FBXL20: variants seen among roughly 807,000 people sequenced by gnomAD.
FBXL20 encodes F-box/LRR-repeat protein 20.
In FBXL20, 11 loss-of-function variants were observed where a neutral mutation model predicts 64.0. The observed-to-expected ratio is 0.17, with a 90% CI of 0.11 to 0.28. The LOEUF (loss-of-function observed/expected upper bound fraction) is 0.28, where lower values mean the gene tolerates loss of function less well. Among genes scored for constraint, FBXL20 ranks in the 10% least tolerant of loss-of-function variants. FBXL20 has a pLI of 1.00. For synonymous variants in FBXL20, 184 were observed against 189.0 expected, an observed-to-expected ratio of 0.97 and a Z score of 0.22; for missense variants, 303 against 526.2, an observed-to-expected ratio of 0.58 and a Z score of 4.15.
chr17:39,310,514 G>C (rs191361272), intron 2 of FBXL20, among the ~76,000 whole-genome samples: 14 of 152,070 alleles, frequency 9.2e-5, no homozygotes, highest in Non-Finnish European at 1.6e-4. Flanking sequence ...TCCTGTCTAC[G>C]TGTTAGTCGA....
chr17:39,293,871 TTCAGCTACTTTAGCC>T lies in FBXL20; in HGVS notation c.398+3241_398+3255del, dbSNP rs377436565. Among the ~76,000 whole-genome samples the T allele has an allele frequency of 8.0e-4, 121 of 152,076 alleles. 1 individual carries two copies. The highest frequency in any genetic ancestry group is 2.8e-3 in the African/African-American group (118 of 41,480). ...AGCTTCCTCTTTATCAGCCACAAATTTCAGCTACTTTAGCCTCCTTGAATTCTGATCTCTTTCTTT... is the reference window on the plus strand; with the variant it reads ...AGCTTCCTCTTTATCAGCCACAAATTTCCTTGAATTCTGATCTCTTTCTTT... On this transcript the variant is annotated intron_variant, in intron 6 of 14. Transcript: ENST00000264658.
intron 1 of FBXL20, among the ~76,000 whole-genome samples, chr17:39,390,021 T>C (rs537085996): frequency 6.4e-4 from 97 of 152,284 alleles, no homozygotes; most frequent in Non-Finnish European, 1.2e-3. Flanking sequence ...CACTTATTCA[T>C]ATTTGCCTAA....
At chr17:39,270,498 C>T (rs868320084) in intron 11 of FBXL20, among the ~76,000 whole-genome samples, 8 of 151,954 alleles carry the variant, frequency 5.3e-5, no homozygotes, top group South Asian at 2.1e-4. Context: ...GAGCCGAGAT[C>T]GTGTCACTGC....
chr17:39,366,029 T>C (rs376230031), intron 1 of FBXL20, among the ~76,000 whole-genome samples: 9 of 152,210 alleles, frequency 5.9e-5, no homozygotes, highest in Admixed American at 4.6e-4. Flanking sequence ...GGTCTCGCTA[T>C]GTCTGAAGTA....
chr17:39,324,154 C>T (rs756935387), intron 2 of FBXL20, among the ~76,000 whole-genome samples: 5 of 149,612 alleles, frequency 3.3e-5, no homozygotes, highest in Non-Finnish European at 5.9e-5. Context: ...TACTAAAGAA[C>T]GGCTCATGAA....
chr17:39,376,571 G>A (rs922702092), intron 1 of FBXL20, among the ~76,000 whole-genome samples: 10 of 152,192 alleles, frequency 6.6e-5, no homozygotes, highest in African/African-American at 2.2e-4. Context: ...GAAGTAGGAA[G>A]TTGAAGGCTA....
Position 39,300,999 on chromosome 17 carries a change from AC to A in FBXL20, c.234+1del. 6.2e-7 allele frequency: 1 copy of A among 1,613,754 alleles called. No homozygotes were observed. The highest frequency in any genetic ancestry group is 8.5e-7 in the Non-Finnish European group (1 of 1,179,816). Reference sequence around the variant, plus strand: ...CTGGGGCCACACACCACATAATTATACCTCAATATCCCTCTGGAAATCAAAT... The same window carrying A: ...CTGGGGCCACACACCACATAATTATACTCAATATCCCTCTGGAAATCAAAT... On this transcript the variant is annotated splice_donor_variant, in intron 4 of 14. Coordinates refer to ENST00000264658, the MANE Select transcript of FBXL20 (RefSeq NM_032875.3). LOFTEE classifies it high-confidence loss of function.
chr17:39,370,320 G>T (rs1567899480), intron 1 of FBXL20, among the ~76,000 whole-genome samples: 2 of 149,686 alleles, frequency 1.3e-5, no homozygotes, highest in Non-Finnish European at 3.0e-5. Flanking sequence ...GCAAAACCCA[G>T]TCTCTACCAA....
At chr17:39,382,568 C>T (rs1468284937) in intron 1 of FBXL20, among the ~76,000 whole-genome samples, 2 of 152,034 alleles carry the variant, frequency 1.3e-5, no homozygotes, top group Non-Finnish European at 2.9e-5. Context: ...CAAAGTGGCT[C>T]ATACCTGTAA....
chr17:39,327,858 G>T (rs1013678082), intron 2 of FBXL20, among the ~76,000 whole-genome samples: 1 of 151,912 alleles, frequency 6.6e-6, no homozygotes, highest in African/African-American at 2.4e-5. Flanking sequence ...CTGCCACCAC[G>T]CCCGGGTAAC....
At chr17:39,338,240 C>A (rs983032963) in intron 2 of FBXL20, among the ~76,000 whole-genome samples, 2 of 152,178 alleles carry the variant, frequency 1.3e-5, no homozygotes, top group African/African-American at 4.8e-5. Flanking sequence ...GACCTTACCC[C>A]CAACCCTGTG....
chr17:39,397,428 A>C (rs1037627488), intron 1 of FBXL20, among the ~76,000 whole-genome samples: 3 of 152,192 alleles, frequency 2.0e-5, no homozygotes, highest in Admixed American at 2.0e-4. Flanking sequence ...TGGTATCTGA[A>C]TGTCAGTTAA....
intron 1 of FBXL20, among the ~76,000 whole-genome samples, chr17:39,398,760 C>T (rs1223056060): frequency 1.3e-5 from 2 of 152,040 alleles, no homozygotes; most frequent in Non-Finnish European, 2.9e-5. Context: ...ATACAACCTC[C>T]GCCTCCTGGG....
intron 2 of FBXL20, among the ~76,000 whole-genome samples, chr17:39,305,754 G>C (rs1310096427): frequency 1.3e-5 from 2 of 152,056 alleles, no homozygotes; most frequent in African/African-American, 4.8e-5. Context: ...GGGAGGCTGA[G>C]GTGGGTGGGT....
Position 39,358,673 on chromosome 17 carries a change from CTCT to C in FBXL20, c.43-15435_43-15433del, listed in dbSNP as rs554745452. On this transcript the variant is annotated intron_variant, in intron 1 of 14. Transcript: ENST00000264658. ...CTCCAGCCTGGGCAACAGAGTGAGACTCTGTCTCAAAAAAAAACAAAAAAACAA... is the reference window on the plus strand; with the variant it reads ...CTCCAGCCTGGGCAACAGAGTGAGACGTCTCAAAAAAAAACAAAAAAACAA... 6.3e-3 allele frequency among the ~76,000 whole-genome samples: 948 copies of C among 151,562 alleles called. 15 individuals carry two copies. Among genetic ancestry groups the C allele is most frequent in the African/African-American group, 0.022 (906 of 41,314 alleles).
chr17:39,395,023 G>C (rs1433380600), intron 1 of FBXL20, among the ~76,000 whole-genome samples: 4 of 152,124 alleles, frequency 2.6e-5, no homozygotes, highest in African/African-American at 9.7e-5. Flanking sequence ...AGACAACTTT[G>C]GGAATGAAAA....
At chr17:39,367,175 G>A (rs538370074) in intron 1 of FBXL20, among the ~76,000 whole-genome samples, 107 of 151,846 alleles carry the variant, frequency 7.0e-4, no homozygotes, top group Non-Finnish European at 3.1e-4. Flanking sequence ...AAGCCACCGC[G>A]CCCAGCCTAT....
In FBXL20 at chr17:39,298,973, AAT is replaced by A. The variant is rs2047110640; in HGVS notation, c.329+15_329+16del. On this transcript the variant is annotated intron_variant, in intron 5 of 14. Transcript: ENST00000264658. ...TTCACTTCCATCAAGAAGATTAATC[AAT>A]AGTTATGTTTTTACCTTAATGCATT... 6.9e-6 allele frequency: 11 copies of A among 1,594,092 alleles called. No homozygotes were observed. Among genetic ancestry groups the A allele is most frequent in the Non-Finnish European group, 9.5e-6 (11 of 1,163,280 alleles).
At chr17:39,384,289 T>C (rs1214299928) in intron 1 of FBXL20, among the ~76,000 whole-genome samples, 1 of 151,588 alleles carries the variant, frequency 6.6e-6, no homozygotes, top group Non-Finnish European at 1.5e-5. Context: ...GCACTTTAGG[T>C]GGCCGAGGTG....
Sources: allele counts gnomAD v4.1 joint callset (sites outside exome capture counted in the v4.1 genomes callset), GRCh38; gene constraint gnomAD v4.1.1; transcripts MANE v1.5; gene names NCBI Gene and HGNC (gene_info 2026-07-23, HGNC 2026-07-21).